STXBP5L: variants seen among roughly 807,000 people sequenced by gnomAD.
STXBP5L encodes syntaxin-binding protein 5-like.
A neutral mutation model predicts 144.5 loss-of-function variants in STXBP5L; 65 were observed. That is an observed-to-expected ratio of 0.45 (90% CI 0.37 to 0.55). STXBP5L has a LOEUF of 0.55. STXBP5L is among the 20% of genes least tolerant of loss of function. The pLI, the probability that STXBP5L is intolerant of heterozygous loss-of-function variation, is 0.00. For missense variants in STXBP5L, 1,298 were observed against 1,405.5 expected, an observed-to-expected ratio of 0.92 and a Z score of 1.22; for synonymous variants, 505 against 469.6, an observed-to-expected ratio of 1.08 and a Z score of -0.97.
chr3:121,296,178 T>A (rs1480932040), intron 19 of STXBP5L, among the ~76,000 whole-genome samples: 2 of 152,212 alleles, frequency 1.3e-5, no homozygotes, highest in African/African-American at 4.8e-5. Context: ...TGCTTTACTC[T>A]ATTCACATGT....
At chr3:121,205,248 T>C (rs555157786) in intron 9 of STXBP5L, among the ~76,000 whole-genome samples, 1 of 152,300 alleles carries the variant, frequency 6.6e-6, no homozygotes, top group East Asian at 1.9e-4. Flanking sequence ...CTGGAGGCTG[T>C]AAAGGCCAAG....
At chr3:121,234,745 A>G (rs1299257634) in intron 12 of STXBP5L, among the ~76,000 whole-genome samples, 1 of 152,090 alleles carries the variant, frequency 6.6e-6, no homozygotes, top group Non-Finnish European at 1.5e-5. Context: ...TTAAATCATC[A>G]TAACTGGGAA....
intron 9 of STXBP5L, among the ~76,000 whole-genome samples, chr3:121,163,476 G>A (rs143432778): frequency 0.099 from 15,064 of 151,784 alleles, 1,183 homozygotes; most frequent in Admixed American, 0.2. Flanking sequence ...AATGCATGCC[G>A]GGCTTAAAAC....
intron 3 of STXBP5L, among the ~76,000 whole-genome samples, chr3:121,037,688 A>T (rs1946857602): frequency 6.6e-6 from 1 of 152,018 alleles, no homozygotes; most frequent in Non-Finnish European, 1.5e-5. Context: ...TGAGTCAGAA[A>T]ATCTTTCTTC....
chr3:121,250,182 TGTCAGG>T (rs2108360777), intron 14 of STXBP5L, among the ~76,000 whole-genome samples: 1 of 152,182 alleles, frequency 6.6e-6, no homozygotes. Context: ...GTGGTTTTGG[TGTCAGG>T]GTAATGCTGA....
chr3:120,988,510 G>A (rs763188331), intron 3 of STXBP5L, among the ~76,000 whole-genome samples: 3 of 151,846 alleles, frequency 2.0e-5, no homozygotes, highest in Admixed American at 6.6e-5. Context: ...TTTGAGATTT[G>A]TTTTATTGCC....
At chr3:121,062,672 A>G (rs1441909347) in intron 5 of STXBP5L, among the ~76,000 whole-genome samples, 1 of 152,186 alleles carries the variant, frequency 6.6e-6, no homozygotes, top group Non-Finnish European at 1.5e-5. Flanking sequence ...GTCTTTTCAC[A>G]TAGTCCCATA....
chr3:121,145,733 T>G (rs2045690200), intron 7 of STXBP5L, among the ~76,000 whole-genome samples: 1 of 152,086 alleles, frequency 6.6e-6, no homozygotes, highest in Admixed American at 6.6e-5. Context: ...TCACTAAATT[T>G]AATTGCCAAT....
In STXBP5L at chr3:121,396,805, A is replaced by C. The variant is rs541273663; in HGVS notation, c.2588-10438A>C. Among the ~76,000 whole-genome samples the C allele has an allele frequency of 3.5e-3, 526 of 152,374 alleles. 2 individuals carry two copies. Among genetic ancestry groups the C allele is most frequent in the Non-Finnish European group, 4.1e-3 (278 of 68,032 alleles). The stretch of plus-strand genomic sequence containing the variant: ...ATTCCCTTCAGTCAAAGGTCCTGGA[A>C]GAGGTATATGAGCCCTAATGTGAGT... On this transcript the variant is annotated intron_variant, in intron 22 of 26. Transcript: ENST00000471454.
intron 7 of STXBP5L, among the ~76,000 whole-genome samples, chr3:121,145,716 A>T (rs544110256): frequency 1.3e-5 from 2 of 152,188 alleles, no homozygotes; most frequent in African/African-American, 4.8e-5. Flanking sequence ...ACAAGTTGGG[A>T]TGACGTTCAC....
chr3:121,393,116 C>T (rs1222654070), intron 22 of STXBP5L, among the ~76,000 whole-genome samples: 2 of 151,674 alleles, frequency 1.3e-5, no homozygotes, highest in African/African-American at 2.4e-5. Context: ...TTATTAATAG[C>T]CATTCTGACT....
At chr3:121,152,407 T>C in intron 7 of STXBP5L, 70 bp from the exon 8 acceptor site, 2 of 1,164,600 alleles carry the variant, frequency 1.7e-6, no homozygotes, top group Non-Finnish European at 2.5e-6. Flanking sequence ...TTTATTAACA[T>C]TAAACTTTAT....
At chr3:121,194,747 C>T (rs909251103) in intron 9 of STXBP5L, among the ~76,000 whole-genome samples, 1 of 151,946 alleles carries the variant, frequency 6.6e-6, no homozygotes, top group Non-Finnish European at 1.5e-5. Context: ...CATTTCATTA[C>T]TTGTTTTGTC....
chr3:121,157,130 T>G (rs1208298485), intron 8 of STXBP5L, among the ~76,000 whole-genome samples: 1 of 152,126 alleles, frequency 6.6e-6, no homozygotes, highest in Admixed American at 6.5e-5. Flanking sequence ...AGACCTTGGT[T>G]TTGAGTTCTG....
At chr3:120,926,821 C>A (rs1428377389) in intron 2 of STXBP5L, among the ~76,000 whole-genome samples, 1 of 152,092 alleles carries the variant, frequency 6.6e-6, no homozygotes, top group African/African-American at 2.4e-5. Context: ...CTGTTGAGGG[C>A]CTCTAGTGAG....
chr3:121,353,983 T>G (rs369248572), intron 20 of STXBP5L, among the ~76,000 whole-genome samples: 2 of 152,204 alleles, frequency 1.3e-5, no homozygotes, highest in Admixed American at 6.5e-5. Context: ...TCCAAATAGT[T>G]GAGCAGTTTT....
intron 7 of STXBP5L, among the ~76,000 whole-genome samples, chr3:121,151,470 T>C (rs2107981910): frequency 6.6e-6 from 1 of 152,298 alleles, no homozygotes; most frequent in East Asian, 1.9e-4. Flanking sequence ...TTGTTATTTT[T>C]TGTGTCTCAT....
chr3:121,185,982 G>A (rs557345341), intron 9 of STXBP5L, among the ~76,000 whole-genome samples: 7 of 152,252 alleles, frequency 4.6e-5, no homozygotes, highest in African/African-American at 1.4e-4. Flanking sequence ...CTGAGCAGTG[G>A]TTTGTAGTTC....
chr3:121,033,745 T>G (rs903684014), intron 3 of STXBP5L, among the ~76,000 whole-genome samples: 14 of 151,950 alleles, frequency 9.2e-5, no homozygotes, highest in Admixed American at 1.3e-4. Flanking sequence ...TTTTAATAAT[T>G]GAAAGATAAA....
Sources: allele counts gnomAD v4.1 joint callset (sites outside exome capture counted in the v4.1 genomes callset), GRCh38; gene constraint gnomAD v4.1.1; transcripts MANE v1.5; gene names NCBI Gene and HGNC (gene_info 2026-07-23, HGNC 2026-07-21).